The following RSU1 variants were observed in gnomAD, a reference collection of about 807,000 sequenced individuals.
The protein encoded by RSU1 is Ras suppressor protein 1.
In RSU1, 26 loss-of-function variants were observed where a neutral mutation model predicts 31.1. The ratio of observed to expected loss-of-function variants is 0.84; its 90% CI spans 0.61 to 1.16. The LOEUF is 1.16. RSU1 is among the 50% of genes most tolerant of loss of function. RSU1 has a pLI of 0.00. For synonymous variants in RSU1, 164 were observed against 136.3 expected (o/e 1.20, Z -1.41); for missense variants, 320 against 339.1 (o/e 0.94, Z 0.44).
chr10:16,751,728 T>C (rs1295433636), intron 7 of RSU1, among the ~76,000 whole-genome samples: 10 of 152,334 alleles, frequency 6.6e-5, no homozygotes. Flanking sequence ...ATGTGTTTCT[T>C]AAAAATGATG....
chr10:16,782,728 T>A (rs1340179870), intron 2 of RSU1, among the ~76,000 whole-genome samples: 1 of 152,126 alleles, frequency 6.6e-6, no homozygotes, highest in Non-Finnish European at 1.5e-5. Context: ...ATCTGCTCAG[T>A]AAGATTAGGT....
intron 2 of RSU1, among the ~76,000 whole-genome samples, chr10:16,805,666 C>CAA (rs35267148): frequency 2.3e-4 from 18 of 78,562 alleles, no homozygotes; most frequent in South Asian, 4.1e-4. Context: ...GACTCCGTCT[C>CAA]AAAAAAAAAA....
chr10:16,596,868 G>A (rs1370718801), intron 8 of RSU1, among the ~76,000 whole-genome samples: 1 of 152,112 alleles, frequency 6.6e-6, no homozygotes, highest in Non-Finnish European at 1.5e-5. Context: ...AATTACAAGT[G>A]TGTACCACCA....
intron 8 of RSU1, among the ~76,000 whole-genome samples, chr10:16,685,867 T>C (rs932368816): frequency 6.9e-6 from 1 of 144,848 alleles, no homozygotes; most frequent in Admixed American, 6.7e-5. Flanking sequence ...GAAAATAATA[T>C]TTTATTCTTG....
chr10:16,637,570 A>G (rs889259310), intron 8 of RSU1, among the ~76,000 whole-genome samples: 1 of 151,938 alleles, frequency 6.6e-6, no homozygotes, highest in Non-Finnish European at 1.5e-5. Context: ...TCTGTGTAAG[A>G]CACAAGACTC....
chr10:16,623,745 G>T (rs1174480822), intron 8 of RSU1, among the ~76,000 whole-genome samples: 1 of 152,102 alleles, frequency 6.6e-6, no homozygotes, highest in Non-Finnish European at 1.5e-5. Context: ...TCTCACTGTG[G>T]TTTTAACTTG....
At chr10:16,747,874 A>G (rs1174827128) in intron 7 of RSU1, among the ~76,000 whole-genome samples, 2 of 152,110 alleles carry the variant, frequency 1.3e-5, no homozygotes, top group Non-Finnish European at 2.9e-5. Flanking sequence ...CTCCACAAAA[A>G]ACTGAGAAAA....
rs1834057914 is a variant in RSU1, at chr10:16,620,874, G to A, written c.732-27378C>T. On this transcript the variant is annotated intron_variant, in intron 8 of 8. Coordinates refer to ENST00000345264, the MANE Select transcript of RSU1 (RefSeq NM_012425.4). ...AAAAAAAAAAGTCTCAAAAATGGTA[G>A]TGAATTTTATTTTGTAAAAAATTCC... Among the ~76,000 whole-genome samples the A allele has an allele frequency of 2.0e-5, 3 of 151,282 alleles. No individual in the cohort carries two copies. The South Asian group carries it at 6.3e-4, about 32-fold the overall frequency.
At chr10:16,757,086 G>T (rs1423682975) in intron 4 of RSU1, among the ~76,000 whole-genome samples, 5 of 149,310 alleles carry the variant, frequency 3.3e-5, no homozygotes, top group Non-Finnish European at 6.0e-5. Flanking sequence ...TGTGCTGTGG[G>T]TGTGGTGCGT....
intron 8 of RSU1, among the ~76,000 whole-genome samples, chr10:16,686,525 T>A (rs1187483450): frequency 1.3e-5 from 2 of 152,206 alleles, no homozygotes; most frequent in Non-Finnish European, 2.9e-5. Flanking sequence ...TATGGGTTTT[T>A]TGGAGTATGG....
rs1158290535 is a variant in RSU1, at chr10:16,774,216, T to C, written c.160+7818A>G. Among the ~76,000 whole-genome samples the C allele has an allele frequency of 2.6e-5, 4 of 152,302 alleles. No homozygotes were observed. In the East Asian group the frequency reaches 5.8e-4, roughly 22 times the overall value. On this transcript the variant is annotated intron_variant, in intron 3 of 8. Transcript: ENST00000345264. ...TGTAAATTTAAGCAGATTAATAAGA[T>C]GGCACTTATCAATATTTTTTAAAAA...
intron 7 of RSU1, among the ~76,000 whole-genome samples, chr10:16,721,010 C>A (rs34131139): frequency 3.3e-5 from 5 of 152,002 alleles, no homozygotes; most frequent in African/African-American, 1.2e-4. Flanking sequence ...AATAAACAAA[C>A]AAATAAATAA....
intron 2 of RSU1, among the ~76,000 whole-genome samples, chr10:16,785,449 T>TATATACATATATACATATATATAC (rs1564357294): frequency 2.9e-5 from 4 of 139,462 alleles, no homozygotes; most frequent in African/African-American, 8.6e-5. Flanking sequence ...TACACATATA[T>TATATACATATATACATATATATAC]ACATATATAC....
At chr10:16,728,272 T>A (rs1183748802) in intron 7 of RSU1, among the ~76,000 whole-genome samples, 2 of 152,174 alleles carry the variant, frequency 1.3e-5, no homozygotes, top group Non-Finnish European at 2.9e-5. Context: ...TATTTCAAAA[T>A]AGTTTGGTGT....
At chr10:16,761,605 C>T (rs1837212902) in intron 4 of RSU1, among the ~76,000 whole-genome samples, 1 of 152,148 alleles carries the variant, frequency 6.6e-6, no homozygotes, top group Admixed American at 6.5e-5. Flanking sequence ...ACCTGTAATG[C>T]CAGCACTTTG....
At chr10:16,659,753 A>C (rs1834855248) in intron 8 of RSU1, among the ~76,000 whole-genome samples, 1 of 152,142 alleles carries the variant, frequency 6.6e-6, no homozygotes, top group Non-Finnish European at 1.5e-5. Flanking sequence ...CACTCTTCCA[A>C]ATAACTGCAG....
At chr10:16,674,204 G>T (rs904695830) in intron 8 of RSU1, among the ~76,000 whole-genome samples, 1 of 152,126 alleles carries the variant, frequency 6.6e-6, no homozygotes, top group Admixed American at 6.6e-5. Context: ...CTGTGTGCAG[G>T]AGTTTCTTTC....
At chr10:16,706,309 T>C (rs574854871) in intron 7 of RSU1, among the ~76,000 whole-genome samples, 1 of 152,202 alleles carries the variant, frequency 6.6e-6, no homozygotes, top group Non-Finnish European at 1.5e-5. Context: ...GATATGAAAT[T>C]ATATAGCATT....
intron 8 of RSU1, among the ~76,000 whole-genome samples, chr10:16,686,199 T>C (rs994126328): frequency 5.3e-5 from 8 of 152,178 alleles, no homozygotes; most frequent in Non-Finnish European, 1.2e-4. Flanking sequence ...AAAACCAGCA[T>C]GTAATAAAAC....
Sources: gnomAD v4.1 joint callset for allele counts (sites outside exome capture counted in the v4.1 genomes callset) on GRCh38, gnomAD v4.1.1 for gene constraint, MANE v1.5 for transcripts, NCBI Gene and HGNC (gene_info 2026-07-23, HGNC 2026-07-21) for gene names.